Variants in SCML4 observed in about 807,000 individuals in gnomAD.
The protein encoded by SCML4 is Scm polycomb group protein like 4.
A neutral mutation model predicts 41.1 loss-of-function variants in SCML4; 34 were observed. The observed-to-expected ratio is 0.83, with a 90% CI of 0.63 to 1.10. The LOEUF (loss-of-function observed/expected upper bound fraction) is 1.10. Ranked by LOEUF, SCML4 falls within the 50% of genes least tolerant of loss-of-function variation. The probability of loss-of-function intolerance (pLI) is 0.00; values close to 1 mark genes in which losing one functional copy is unlikely to be tolerated. For missense variants in SCML4, 522 were observed against 534.1 expected, an observed-to-expected ratio of 0.98 and a Z score of 0.22; for synonymous variants, 214 against 220.9, an observed-to-expected ratio of 0.97 and a Z score of 0.28.
intron 7 of SCML4, among the ~76,000 whole-genome samples, chr6:107,706,579 A>C (rs1334991948): frequency 6.6e-6 from 1 of 152,232 alleles, no homozygotes. Context: ...TCTAGTCCCC[A>C]AACCTGTGAA....
intron 2 of SCML4, among the ~76,000 whole-genome samples, chr6:107,750,945 T>C (rs1031780544): frequency 1.3e-5 from 2 of 152,244 alleles, no homozygotes; most frequent in Non-Finnish European, 2.9e-5. Context: ...TAGGATAGAA[T>C]ACTAATAATA....
intron 1 of SCML4, among the ~76,000 whole-genome samples, chr6:107,823,683 A>C (rs1785107594): frequency 6.6e-6 from 1 of 152,208 alleles, no homozygotes; most frequent in Non-Finnish European, 1.5e-5. Flanking sequence ...TAATAACCAA[A>C]TTTTAGGTAA....
At chr6:107,784,832 G>A (rs952888332) in intron 1 of SCML4, among the ~76,000 whole-genome samples, 1 of 152,194 alleles carries the variant, frequency 6.6e-6, no homozygotes, top group African/African-American at 2.4e-5. Flanking sequence ...ACTCATCACG[G>A]CCCGTGGTGT....
At chr6:107,761,506 G>A (rs776271761) in intron 2 of SCML4, among the ~76,000 whole-genome samples, 14 of 150,878 alleles carry the variant, frequency 9.3e-5, no homozygotes, top group Non-Finnish European at 1.5e-4. Flanking sequence ...GCGCAATCTC[G>A]GCTTACTGCA....
At chr6:107,763,658 GC>G (rs1779799724) in intron 2 of SCML4, among the ~76,000 whole-genome samples, 1 of 152,124 alleles carries the variant, frequency 6.6e-6, no homozygotes, top group Non-Finnish European at 1.5e-5. Context: ...AAATGCCGGG[GC>G]TACAGGTGTG....
At chr6:107,725,416 G>T (rs1394235546) in intron 5 of SCML4, among the ~76,000 whole-genome samples, 1 of 152,164 alleles carries the variant, frequency 6.6e-6, no homozygotes, top group Non-Finnish European at 1.5e-5. Flanking sequence ...CATTTGAATA[G>T]GTATACAGAT....
chr6:107,836,904 A>G, the SCML4 span, among the ~76,000 whole-genome samples: 1 of 152,142 alleles, frequency 6.6e-6, no homozygotes, highest in East Asian at 1.9e-4. Flanking sequence ...ATCCCCGCCG[A>G]TGTCACATAC....
At chr6:107,714,451 C>G (rs1469128993) in intron 6 of SCML4, among the ~76,000 whole-genome samples, 1 of 152,162 alleles carries the variant, frequency 6.6e-6, no homozygotes, top group African/African-American at 2.4e-5. Context: ...TCAGCCACTC[C>G]CTCCCCATCT....
chr6:107,777,805 G>C (rs1347151511), intron 1 of SCML4, among the ~76,000 whole-genome samples: 2 of 152,032 alleles, frequency 1.3e-5, no homozygotes, highest in Non-Finnish European at 2.9e-5. Flanking sequence ...CCTCCCCACA[G>C]GTGGCAGCTG....
At chr6:107,812,579 A>G (rs1375141638) in intron 1 of SCML4, among the ~76,000 whole-genome samples, 1 of 152,196 alleles carries the variant, frequency 6.6e-6, no homozygotes, top group Non-Finnish European at 1.5e-5. Context: ...GGCAACCCAC[A>G]CGTGGGGGGA....
chr6:107,703,338 C>A lies in SCML4; in HGVS notation c.*1862G>T, dbSNP rs1773327039. 6.6e-6 allele frequency among the ~76,000 whole-genome samples: 1 copy of A among 152,194 alleles called. No individual in the cohort carries two copies. The highest frequency in any genetic ancestry group is 1.5e-5 in the Non-Finnish European group (1 of 68,040). On this transcript the variant is annotated 3_prime_UTR_variant, in exon 8 of 8. Coordinates refer to ENST00000369020, the MANE Select transcript of SCML4 (RefSeq NM_198081.5). ...GGACCCCCTTCCTGTAACAAAATCA[C>A]CAGACATCAAGCTCTTCTACAATCT... is the stretch of plus-strand genomic sequence containing the variant.
At position 107,809,653 on chromosome 6, in the gene SCML4, A is replaced by C. The variant is rs144262711; in HGVS notation, c.-60+14473T>G. 3.4e-3 allele frequency among the ~76,000 whole-genome samples: 512 copies of C among 152,324 alleles called. 4 individuals are homozygous for C. Among genetic ancestry groups the C allele is most frequent in the East Asian group, 0.015 (77 of 5,180 alleles). ...GGGGAAGCAGTGATACCTTCAATGA[A>C]GACAGAATAAAGGAGAAGGGGAAGA... On this transcript the variant is annotated intron_variant, in intron 1 of 7. Coordinates refer to ENST00000369020, the MANE Select transcript of SCML4 (RefSeq NM_198081.5).
chr6:107,823,631 T>TG (rs539324886), intron 1 of SCML4, among the ~76,000 whole-genome samples: 71 of 151,964 alleles, frequency 4.7e-4, no homozygotes, highest in Middle Eastern at 6.8e-3. Context: ...TAAAATTAAA[T>TG]GGGAAAAAAA....
chr6:107,779,711 C>G (rs1781333544), intron 1 of SCML4, among the ~76,000 whole-genome samples: 1 of 152,188 alleles, frequency 6.6e-6, no homozygotes, highest in South Asian at 2.1e-4. Context: ...TCTCCAGTGT[C>G]ATTCTTCTGC....
At chr6:107,737,431 C>T (rs536942579) in intron 5 of SCML4, among the ~76,000 whole-genome samples, 34 of 152,286 alleles carry the variant, frequency 2.2e-4, no homozygotes, top group African/African-American at 7.2e-4. Context: ...AGTGCCACCT[C>T]GATCCAACCA....
chr6:107,760,521 C>T (rs1779499259), intron 2 of SCML4, among the ~76,000 whole-genome samples: 1 of 152,164 alleles, frequency 6.6e-6, no homozygotes, highest in East Asian at 1.9e-4. Context: ...ATATTTGCAT[C>T]CCAAATTCAC....
chr6:107,762,370 T>G (rs1165023917), intron 2 of SCML4, among the ~76,000 whole-genome samples: 3 of 152,028 alleles, frequency 2.0e-5, no homozygotes, highest in Non-Finnish European at 4.4e-5. Context: ...AAGCCCAAAT[T>G]TATTAGTAAT....
chr6:107,749,751 G>C lies in SCML4; in HGVS notation c.219C>G (p.Pro73=). The C allele has an allele frequency of 6.2e-7, 1 of 1,614,032 alleles. No homozygotes were observed. Among genetic ancestry groups the C allele is most frequent in the Non-Finnish European group, 8.5e-7 (1 of 1,179,958 alleles). Residue 73 remains proline, a synonymous_variant, in exon 3 of 8, where the codon CCC becomes CCG. Coordinates refer to ENST00000369020, the MANE Select transcript of SCML4 (RefSeq NM_198081.5). The part of the protein sequence containing the change: ...ALSPPRSTPE[P]DLSSIPQDAA... ...CGTCCTGAGGGATGGAGCTGAGGTCGGGCTCTGGGGTACTCCGCGGAGGTG... is the reference window on the plus strand; with the variant it reads ...CGTCCTGAGGGATGGAGCTGAGGTCCGGCTCTGGGGTACTCCGCGGAGGTG...
intron 1 of SCML4, among the ~76,000 whole-genome samples, chr6:107,820,972 G>A (rs1166710794): frequency 1.3e-5 from 2 of 152,184 alleles, no homozygotes; most frequent in Admixed American, 6.5e-5. Flanking sequence ...TGTGGACCAC[G>A]TTGGAAAATG....
Sources: allele counts gnomAD v4.1 joint callset (sites outside exome capture counted in the v4.1 genomes callset), GRCh38; gene constraint gnomAD v4.1.1; transcripts MANE v1.5; gene names NCBI Gene and HGNC (gene_info 2026-07-23, HGNC 2026-07-21).